Variants in EPHA6 observed in about 807,000 individuals in gnomAD.
The protein encoded by EPHA6 is EPH receptor A6.
A neutral mutation model predicts 112.0 loss-of-function variants in EPHA6; 50 were observed. The ratio of observed to expected loss-of-function variants is 0.45; its 90% CI spans 0.36 to 0.56. EPHA6 has a LOEUF of 0.56. EPHA6 is among the 20% of genes least tolerant of loss of function. EPHA6 has a pLI of 0.00. For missense variants in EPHA6, 1,280 were observed against 1,417.4 expected, an observed-to-expected ratio of 0.90 and a Z score of 1.56; for synonymous variants, 529 against 490.7, an observed-to-expected ratio of 1.08 and a Z score of -1.03.
chr3:97,736,261 CAG>C (rs2035247595), intron 16 of EPHA6, 143 bp downstream of exon 16: 2 of 537,274 alleles, frequency 3.7e-6, no homozygotes, highest in Non-Finnish European at 6.2e-6. Flanking sequence ...TTTCATTTAT[CAG>C]CTGAAAAAAA....
intron 11 of EPHA6, among the ~76,000 whole-genome samples, chr3:97,543,769 C>G (rs937779534): frequency 1.3e-5 from 2 of 151,764 alleles, no homozygotes; most frequent in African/African-American, 4.9e-5. Flanking sequence ...CTTTTATTTC[C>G]TTGAGCAGTG....
chr3:97,142,215 A>C (rs2075925973), intron 3 of EPHA6, among the ~76,000 whole-genome samples: 2 of 152,050 alleles, frequency 1.3e-5, no homozygotes, highest in Non-Finnish European at 2.9e-5. Context: ...CAATTCTGAT[A>C]ATTCAGATGA....
Position 97,448,651 on chromosome 3 carries a change from T to C in EPHA6, c.1815T>C (p.Tyr605=), listed in dbSNP as rs770664666. The C allele has an allele frequency of 1.9e-6, 3 of 1,613,484 alleles. No individual in the cohort carries two copies. Among genetic ancestry groups the C allele is most frequent in the East Asian group, 2.2e-5 (1 of 44,880 alleles). Residue 605 remains tyrosine, a synonymous_variant, in exon 7 of 18, where the codon TAT becomes TAC. Transcript: ENST00000389672. ...CAGGTCTTAAGCCAGCCACCAAATA[T>C]GTATTTCACATCCGAGTGAGAACTG... ...IITGLKPATK[Y]VFHIRVRTAT... is the part of the protein sequence containing the mutation.
intron 10 of EPHA6, among the ~76,000 whole-genome samples, chr3:97,508,949 G>A (rs1321884720): frequency 1.1e-5 from 1 of 92,202 alleles, no homozygotes; most frequent in Non-Finnish European, 2.2e-5. Flanking sequence ...TTGCTTTAAA[G>A]TCTGTTTTAT....
chr3:97,745,430 A>G, intron 16 of EPHA6: 1 of 443,144 alleles, frequency 2.3e-6, no homozygotes, highest in Non-Finnish European at 4.5e-6. Flanking sequence ...TGCAATATGT[A>G]GTACAGGAAA....
In EPHA6 at chr3:97,199,979, G is replaced by A. The variant is rs76778232; in HGVS notation, c.1115-26285G>A. ...TTTTAAACAGAGAAGTCTTAATCTC[G>A]TGAAGAAAGTATGATTTGAGCTTAA... On this transcript the variant is annotated intron_variant, in intron 3 of 17. Transcript: ENST00000389672. Among the ~76,000 whole-genome samples, 872 of 152,110 alleles carry A rather than the reference G, an allele frequency of 5.7e-3. 5 individuals carry two copies. The highest frequency in any genetic ancestry group is 0.019 in the African/African-American group (792 of 41,528).
chr3:97,086,640 C>T (rs1423642404), intron 3 of EPHA6, among the ~76,000 whole-genome samples: 1 of 151,858 alleles, frequency 6.6e-6, no homozygotes, highest in Admixed American at 6.6e-5. Context: ...CATATGTTAA[C>T]AGTAATTTTT....
At chr3:97,638,679 T>C (rs1304563586) in intron 14 of EPHA6, among the ~76,000 whole-genome samples, 1 of 152,150 alleles carries the variant, frequency 6.6e-6, no homozygotes, top group Non-Finnish European at 1.5e-5. Context: ...CTATGGATAG[T>C]GTAAATATTT....
chr3:96,853,543 A>T (rs748253716), intron 1 of EPHA6, among the ~76,000 whole-genome samples: 7 of 151,918 alleles, frequency 4.6e-5, no homozygotes, highest in Non-Finnish European at 1.0e-4. Flanking sequence ...CTTCTTTTTC[A>T]TAGGTTTTTA....
intron 12 of EPHA6, among the ~76,000 whole-genome samples, chr3:97,603,539 C>T (rs1469857180): frequency 6.6e-6 from 1 of 151,674 alleles, no homozygotes; most frequent in Non-Finnish European, 1.5e-5. Flanking sequence ...AAAATGGAAT[C>T]GAATCATCAT....
intron 10 of EPHA6, among the ~76,000 whole-genome samples, chr3:97,486,096 C>T (rs1176419494): frequency 6.6e-6 from 1 of 152,142 alleles, no homozygotes; most frequent in African/African-American, 2.4e-5. Context: ...CAAAAAATAA[C>T]TACTAAAGAG....
At chr3:97,053,838 G>C (rs2045764665) in intron 3 of EPHA6, among the ~76,000 whole-genome samples, 1 of 152,042 alleles carries the variant, frequency 6.6e-6, no homozygotes, top group African/African-American at 2.4e-5. Flanking sequence ...AACCTTCAGA[G>C]TACCTCATTT....
chr3:97,745,195 G>A (rs2035658823), intron 16 of EPHA6, among the ~76,000 whole-genome samples: 1 of 151,858 alleles, frequency 6.6e-6, no homozygotes, highest in East Asian at 1.9e-4. Flanking sequence ...TTGCCATGAA[G>A]ACCTTTATTA....
At chr3:96,980,543 T>A (rs2042724685) in intron 2 of EPHA6, among the ~76,000 whole-genome samples, 1 of 152,214 alleles carries the variant, frequency 6.6e-6, no homozygotes. Flanking sequence ...GGGCTCTTTT[T>A]TGGTTCCATA....
At chr3:97,140,338 G>A (rs9852419) in intron 3 of EPHA6, among the ~76,000 whole-genome samples, 10,070 of 152,112 alleles carry the variant, frequency 0.066, 384 homozygotes, top group Middle Eastern at 0.14. Flanking sequence ...AGCCCAGAGA[G>A]CATATGGAAG....
rs576828445 is a variant in EPHA6, at chr3:97,250,904, G to C, written c.1606+6617G>C. 2.2e-4 allele frequency among the ~76,000 whole-genome samples: 32 copies of C among 147,974 alleles called. No homozygotes were observed. The South Asian group carries it at 6.9e-3, about 32-fold the overall frequency. ...CTTTTTTTAGACAGAGTCTCACTTTGTCCCCAGGGTGGAGTGCAGTGTCAT... is the reference window on the plus strand; with the variant it reads ...CTTTTTTTAGACAGAGTCTCACTTTCTCCCCAGGGTGGAGTGCAGTGTCAT... On this transcript the variant is annotated intron_variant, in intron 5 of 17. Coordinates refer to ENST00000389672, the MANE Select transcript of EPHA6 (RefSeq NM_001080448.3).
At chr3:97,448,464 T>C (rs988163524) in intron 6 of EPHA6, 104 bp from the exon 7 acceptor site, 63 of 1,204,690 alleles carry the variant, frequency 5.2e-5, no homozygotes, top group Admixed American at 2.1e-4. Context: ...AATCAATACT[T>C]TTGGTATTCA....
At chr3:97,676,495 T>G (rs2107671019) in intron 14 of EPHA6, among the ~76,000 whole-genome samples, 1 of 152,250 alleles carries the variant, frequency 6.6e-6, no homozygotes, top group East Asian at 1.9e-4. Flanking sequence ...ACCCTGAAAC[T>G]AGGAAGTATA....
chr3:97,688,040 A>G (rs748033179), intron 14 of EPHA6, among the ~76,000 whole-genome samples: 3 of 152,192 alleles, frequency 2.0e-5, no homozygotes, highest in Non-Finnish European at 2.9e-5. Flanking sequence ...AGGCGGGGAA[A>G]TATGCTTCAT....
Sources: gnomAD v4.1 joint callset for allele counts (sites outside exome capture counted in the v4.1 genomes callset) on GRCh38, gnomAD v4.1.1 for gene constraint, MANE v1.5 for transcripts, NCBI Gene and HGNC (gene_info 2026-07-23, HGNC 2026-07-21) for gene names.